Variants in FLRT2 observed in about 807,000 individuals in gnomAD.
FLRT2 encodes the protein leucine-rich repeat transmembrane protein FLRT2.
Under a neutral mutation model 40.0 loss-of-function variants are expected in FLRT2, and 15 were observed. The ratio of observed to expected loss-of-function variants is 0.38; its 90% CI spans 0.25 to 0.58. The LOEUF is 0.58. FLRT2 is among the 20% of genes least tolerant of loss of function. The pLI, the probability that FLRT2 is intolerant of heterozygous loss-of-function variation, is 0.71. For synonymous variants in FLRT2, 380 were observed against 336.8 expected, an observed-to-expected ratio of 1.13 and a Z score of -1.41; for missense variants, 726 against 840.0, an observed-to-expected ratio of 0.86 and a Z score of 1.68.
At position 85,622,277 on chromosome 14, in the gene FLRT2, A is replaced by C; in HGVS notation, c.763A>C (p.Ile255Leu). Residue 255 changes from isoleucine (I) to leucine (L), a missense_variant, in exon 2 of 2, where the codon ATC (isoleucine) becomes CTC (leucine). This residue lies in a region of FLRT2 where 611 missense variants were observed against 690.0 expected (regional missense o/e 0.89). Coordinates refer to ENST00000330753, the MANE Select transcript of FLRT2 (RefSeq NM_013231.6). ...PPPDLPGTHL[I>L]RLYLQDNQIN... ...TCCCGATCTCCCAGGTACGCATCTG[A>C]TCAGGCTCTATTTGCAGGACAACCA... 6.2e-7 allele frequency: 1 copy of C among 1,614,076 alleles called. No individual in the cohort carries two copies.
chr14:85,584,013 C>A (rs1186642516), intron 1 of FLRT2, among the ~76,000 whole-genome samples: 2 of 151,590 alleles, frequency 1.3e-5, no homozygotes, highest in Non-Finnish European at 2.9e-5. Flanking sequence ...TTTGGATCTG[C>A]CTCTGTGGTT....
At chr14:85,537,782 C>T (rs1349149473) in intron 1 of FLRT2, among the ~76,000 whole-genome samples, 3 of 151,326 alleles carry the variant, frequency 2.0e-5, no homozygotes, top group Non-Finnish European at 1.5e-5. Context: ...AAACACTGTA[C>T]TAGTAAAATA....
At chr14:85,602,698 A>G (rs1209005807) in intron 1 of FLRT2, among the ~76,000 whole-genome samples, 2 of 152,186 alleles carry the variant, frequency 1.3e-5, no homozygotes, top group African/African-American at 4.8e-5. Flanking sequence ...TGTTAACTGA[A>G]TAGATCTGGC....
chr14:85,571,075 A>G (rs772404739), intron 1 of FLRT2, among the ~76,000 whole-genome samples: 1 of 152,138 alleles, frequency 6.6e-6, no homozygotes, highest in Middle Eastern at 3.2e-3. Flanking sequence ...TCCTGGTAAC[A>G]TTCTGAAGAT....
intron 1 of FLRT2, among the ~76,000 whole-genome samples, chr14:85,610,297 A>G (rs748594491): frequency 5.3e-5 from 8 of 151,926 alleles, no homozygotes; most frequent in Non-Finnish European, 1.2e-4. Flanking sequence ...GAGAATTCTG[A>G]CAGAAGTTCA....
At chr14:85,605,153 C>T (rs543501163) in intron 1 of FLRT2, among the ~76,000 whole-genome samples, 3 of 152,254 alleles carry the variant, frequency 2.0e-5, no homozygotes, top group Admixed American at 2.0e-4. Flanking sequence ...TACATTTCCC[C>T]ACACCCCCTC....
In FLRT2 at chr14:85,545,196, G is replaced by A. The variant is rs534233120; in HGVS notation, c.-377+14662G>A. Among the ~76,000 whole-genome samples, 390 of 152,048 alleles carry A rather than the reference G, an allele frequency of 2.6e-3. 1 individual carries two copies. Among genetic ancestry groups the A allele is most frequent in the African/African-American group, 9.2e-3 (382 of 41,350 alleles). On this transcript the variant is annotated intron_variant, in intron 1 of 1. Coordinates refer to ENST00000330753, the MANE Select transcript of FLRT2 (RefSeq NM_013231.6). ...GGCAGGGCCAACTTCTTATCCAGAA[G>A]TCCAGTAATAACAACAGTAACAACA...
intron 1 of FLRT2, among the ~76,000 whole-genome samples, chr14:85,602,546 A>G (rs746224948): frequency 2.6e-5 from 4 of 152,228 alleles, no homozygotes; most frequent in Non-Finnish European, 5.9e-5. Flanking sequence ...TGAGCTTTCA[A>G]AGCCAGAGTA....
Sources: allele counts gnomAD v4.1 joint callset (sites outside exome capture counted in the v4.1 genomes callset), GRCh38; gene constraint gnomAD v4.1.1; regional missense constraint gnomAD v4.1.1; transcripts MANE v1.5; gene names NCBI Gene and HGNC (gene_info 2026-07-23, HGNC 2026-07-21).